ALG9: variants seen among roughly 807,000 people sequenced by gnomAD.
The protein encoded by ALG9 is alpha-1,2-mannosyltransferase ALG9.
In ALG9, 55 loss-of-function variants were observed where a neutral mutation model predicts 81.8. The observed-to-expected ratio is 0.67, with a 90% confidence interval of 0.54 to 0.84. ALG9 has a LOEUF of 0.84. ALG9 is among the 40% of genes least tolerant of loss of function. ALG9 has a pLI of 0.00. For missense variants in ALG9, 629 were observed against 745.0 expected (o/e 0.84, Z 1.81); for synonymous variants, 278 against 274.3 (o/e 1.01, Z -0.13).
At chr11:111,870,918 A>G (rs1465219225) in intron 1 of ALG9, 3 of 1,000,744 alleles carry the variant, frequency 3.0e-6, no homozygotes, top group Non-Finnish European at 3.6e-6. Context: ...ATATGTTGAC[A>G]GCTCCCTTAA....
intron 4 of ALG9, among the ~76,000 whole-genome samples, chr11:111,863,302 G>A (rs1961010813): frequency 6.6e-6 from 1 of 152,082 alleles, no homozygotes; most frequent in Admixed American, 6.6e-5. Flanking sequence ...AGGTTGCAGT[G>A]AGCCGAAATC....
chr11:111,811,281 G>A (rs945008200), intron 13 of ALG9, among the ~76,000 whole-genome samples: 3 of 152,104 alleles, frequency 2.0e-5, no homozygotes, highest in Non-Finnish European at 2.9e-5. Flanking sequence ...GGTGGCTCAC[G>A]CCTGTAATCC....
intron 6 of ALG9, among the ~76,000 whole-genome samples, chr11:111,854,607 A>G (rs1958379571): frequency 6.6e-6 from 1 of 152,066 alleles, no homozygotes; most frequent in African/African-American, 2.4e-5. Flanking sequence ...CATCTCTATC[A>G]TTGATTTAGC....
intron 8 of ALG9, among the ~76,000 whole-genome samples, chr11:111,848,215 TGACACACA>T: frequency 6.6e-6 from 1 of 152,366 alleles, no homozygotes; most frequent in Middle Eastern, 3.4e-3. Flanking sequence ...GAATAACTTC[TGACACACA>T]GTAGGCATTC....
intron 14 of ALG9, among the ~76,000 whole-genome samples, chr11:111,792,697 G>A (rs999873426): frequency 6.6e-6 from 1 of 152,154 alleles, no homozygotes; most frequent in African/African-American, 2.4e-5. Flanking sequence ...GAAATAAGGA[G>A]GCATTTCTAG....
intron 14 of ALG9, chr11:111,798,251 A>G: frequency 3.6e-6 from 1 of 278,848 alleles, no homozygotes; most frequent in Non-Finnish European, 7.1e-6. Context: ...CCCAAACTAA[A>G]GGTGAAAGCA....
At chr11:111,837,766 G>A in intron 11 of ALG9, 151 bp from the exon 12 acceptor site, 1 of 903,726 alleles carries the variant, frequency 1.1e-6, no homozygotes, top group Non-Finnish European at 1.7e-6. Flanking sequence ...CTGCTCTGCA[G>A]GTATAAAATG....
At chr11:111,812,275 AAAG>A (rs782017287) in intron 13 of ALG9, among the ~76,000 whole-genome samples, 18 of 152,352 alleles carry the variant, frequency 1.2e-4, no homozygotes, top group Non-Finnish European at 2.1e-4. Context: ...CATTCTTAAA[AAAG>A]AAGAACAGGC....
At chr11:111,844,225 A>G (rs1007568251) in intron 9 of ALG9, among the ~76,000 whole-genome samples, 1 of 152,060 alleles carries the variant, frequency 6.6e-6, no homozygotes, top group Non-Finnish European at 1.5e-5. Context: ...GGCTGGTTTT[A>G]ATTCCTGACC....
chr11:111,812,064 C>T (rs1456546595), intron 13 of ALG9, among the ~76,000 whole-genome samples: 1 of 152,058 alleles, frequency 6.6e-6, no homozygotes, highest in African/African-American at 2.4e-5. Flanking sequence ...TTTTTTGATA[C>T]ACAATAAAGT....
chr11:111,825,399 A>G (rs181464894), intron 13 of ALG9, among the ~76,000 whole-genome samples: 10 of 152,362 alleles, frequency 6.6e-5, no homozygotes, highest in African/African-American at 2.2e-4. Context: ...ACAATGAAAC[A>G]GAGAAGAAAT....
chr11:111,820,642 T>C (rs1325857547), intron 13 of ALG9, among the ~76,000 whole-genome samples: 1 of 152,164 alleles, frequency 6.6e-6, no homozygotes, highest in Non-Finnish European at 1.5e-5. Context: ...AAATTCCCAA[T>C]TGGTATTTCT....
intron 9 of ALG9, 45 bp from the exon 10 acceptor site, chr11:111,840,854 A>C: frequency 6.2e-7 from 1 of 1,607,176 alleles, no homozygotes; most frequent in Non-Finnish European, 8.5e-7. Flanking sequence ...TATTAGAACA[A>C]AACAACATAT....
chr11:111,833,964 A>G (rs1954807640), intron 13 of ALG9, among the ~76,000 whole-genome samples: 1 of 152,356 alleles, frequency 6.6e-6, no homozygotes, highest in South Asian at 2.1e-4. Flanking sequence ...CATTACCACA[A>G]TGACGATGAA....
At chr11:111,790,733 A>G (rs1485417359) in intron 14 of ALG9, among the ~76,000 whole-genome samples, 1 of 152,234 alleles carries the variant, frequency 6.6e-6, no homozygotes, top group Non-Finnish European at 1.5e-5. Context: ...ATAATGATCA[A>G]TCTTACCAGG....
At chr11:111,867,865 G>A (rs1241036490) in intron 3 of ALG9, among the ~76,000 whole-genome samples, 1 of 152,130 alleles carries the variant, frequency 6.6e-6, no homozygotes, top group African/African-American at 2.4e-5. Flanking sequence ...ACCCAGCAGG[G>A]AAAGAGCGTT....
chr11:111,840,657 G>C lies in ALG9; in HGVS notation c.1171C>G (p.Gln391Glu). The change falls in exon 10 of 15, where the codon CAG (glutamine) becomes GAG (glutamate). Residue 391 changes from glutamine (Q) to glutamate (E), a missense_variant and splice_region_variant. Around this residue, in one of 3 missense-constraint regions of ALG9, gnomAD observed 264 missense variants for 302.2 expected, o/e 0.87. Coordinates refer to ENST00000616540, the MANE Select transcript of ALG9 (RefSeq NM_024740.2). ...LCGAVALSAL[Q>E]HSFLYFQKCY... The stretch of plus-strand genomic sequence containing the variant: ...ATACACTTCTCCCTGAAACTCACCT[G>C]AAGTGCAGAGAGAGCCACAGCGCCA... The C allele has an allele frequency of 6.2e-7, 1 of 1,614,022 alleles. No homozygotes were observed.
chr11:111,849,464 T>C (rs1555134872), intron 8 of ALG9: 1 of 152,238 alleles, frequency 6.6e-6, no homozygotes, highest in African/African-American at 2.4e-5. Context: ...AAAAACTATC[T>C]TTTTTCCTGT....
intron 14 of ALG9, among the ~76,000 whole-genome samples, chr11:111,788,087 T>C (rs1162047734): frequency 6.6e-6 from 1 of 152,234 alleles, no homozygotes; most frequent in Non-Finnish European, 1.5e-5. Flanking sequence ...AATCAAAAGT[T>C]GGCCTAGTTA....
Sources: gnomAD v4.1 joint callset for allele counts (sites outside exome capture counted in the v4.1 genomes callset) on GRCh38, gnomAD v4.1.1 for gene constraint, gnomAD v4.1.1 regional missense constraint, MANE v1.5 for transcripts, NCBI Gene and HGNC (gene_info 2026-07-23, HGNC 2026-07-21) for gene names.